The following TOR1AIP1 variants were observed in gnomAD, a reference collection of about 807,000 sequenced individuals.
TOR1AIP1 encodes the protein torsin-1A-interacting protein 1.
TOR1AIP1 carries 54 observed loss-of-function variants against 63.3 expected under a neutral mutation model. That is an observed-to-expected ratio of 0.85 (90% CI 0.69 to 1.07). The LOEUF is 1.07. Among genes scored for constraint, TOR1AIP1 ranks in the 50% least tolerant of loss-of-function variants. The pLI, the probability that TOR1AIP1 is intolerant of heterozygous loss-of-function variation, is 0.00. For synonymous variants in TOR1AIP1, 294 were observed against 273.5 expected (o/e 1.07, Z -0.74); for missense variants, 736 against 715.0 (o/e 1.03, Z -0.33).
At chr1:179,903,711 G>A (rs112981189) in intron 5 of TOR1AIP1, among the ~76,000 whole-genome samples, 25 of 152,168 alleles carry the variant, frequency 1.6e-4, no homozygotes, top group African/African-American at 2.7e-4. Flanking sequence ...GTTTCACCAC[G>A]TTGGCCAGGA....
intron 9 of TOR1AIP1, among the ~76,000 whole-genome samples, chr1:179,914,950 C>T (rs1345278800): frequency 6.6e-6 from 1 of 152,090 alleles, no homozygotes; most frequent in Non-Finnish European, 1.5e-5. Flanking sequence ...AAAGTTGAAA[C>T]ATTTTTTAAA....
intron 6 of TOR1AIP1, 122 bp from the exon 7 acceptor site, chr1:179,907,701 G>C: frequency 2.2e-6 from 1 of 447,508 alleles, no homozygotes; most frequent in Non-Finnish European, 3.9e-6. Context: ...ATTGATGAGA[G>C]AATGTTTTTT....
Position 179,910,223 on chromosome 1 carries a change from C to T in TOR1AIP1, c.907+1550C>T, listed in dbSNP as rs1017228055. On this transcript the variant is annotated intron_variant, in intron 8 of 9. Coordinates refer to ENST00000606911, the MANE Select transcript of TOR1AIP1 (RefSeq NM_015602.4). The stretch of plus-strand genomic sequence containing the variant: ...TATTTTTTTAAAGTCCATGCATATT[C>T]TCTGCCTTAAGTGACCTTTAACCTC... 3.9e-5 allele frequency among the ~76,000 whole-genome samples: 6 copies of T among 152,310 alleles called. No individual in the cohort carries two copies. The South Asian group carries it at 1.2e-3, about 32-fold the overall frequency.
At chr1:179,912,615 T>C (rs1207882254) in intron 8 of TOR1AIP1, among the ~76,000 whole-genome samples, 3 of 152,204 alleles carry the variant, frequency 2.0e-5, no homozygotes, top group African/African-American at 7.2e-5. Flanking sequence ...CATTATCTGA[T>C]GGATTTGGGT....
At chr1:179,904,262 T>C (rs1315307315) in intron 6 of TOR1AIP1, among the ~76,000 whole-genome samples, 2 of 152,218 alleles carry the variant, frequency 1.3e-5, no homozygotes, top group African/African-American at 4.8e-5. Flanking sequence ...TCCTGTGATT[T>C]GTTGAATGTC....
intron 9 of TOR1AIP1, among the ~76,000 whole-genome samples, chr1:179,916,543 A>T (rs902485716): frequency 1.3e-5 from 2 of 152,156 alleles, no homozygotes; most frequent in Admixed American, 6.5e-5. Context: ...ATATAAATTA[A>T]TCCTATTATT....
chr1:179,889,743 C>A (rs973122647), intron 3 of TOR1AIP1, among the ~76,000 whole-genome samples: 1 of 151,666 alleles, frequency 6.6e-6, no homozygotes, highest in Non-Finnish European at 1.5e-5. Flanking sequence ...CAGTCTCAAT[C>A]TCTCTGGCTC....
chr1:179,917,918 G>T lies in TOR1AIP1; in HGVS notation c.1431G>T (p.Val477=). The part of the protein sequence containing the change: ...NGFKNGQNAA[V]VHRFESFPAG... ...TTAAGAATGGCCAGAATGCAGCTGT[G>T]GTACACCGCTTTGAGTCATTTCCCG... is the stretch of plus-strand genomic sequence containing the variant. Residue 477 remains valine, a synonymous_variant, in exon 10 of 10, where the codon GTG becomes GTT. Transcript: ENST00000606911. The T allele has an allele frequency of 6.2e-7, 1 of 1,614,160 alleles. No individual in the cohort carries two copies. The highest frequency in any genetic ancestry group is 8.5e-7 in the Non-Finnish European group (1 of 1,180,044).
At chr1:179,909,381 GTTTTTT>G in intron 8 of TOR1AIP1, among the ~76,000 whole-genome samples, 2 of 106,042 alleles carry the variant, frequency 1.9e-5, no homozygotes, top group South Asian at 7.9e-4. Context: ...TTTTTTTTCT[GTTTTTT>G]GTTTTGTTTT....
intron 4 of TOR1AIP1, 56 bp downstream of exon 4, chr1:179,900,223 A>G: frequency 8.1e-7 from 1 of 1,241,210 alleles, no homozygotes; most frequent in Non-Finnish European, 1.2e-6. Context: ...TCTTTACATT[A>G]GAAGCCATTC....
chr1:179,894,216 A>G (rs1205852050), intron 3 of TOR1AIP1, among the ~76,000 whole-genome samples: 1 of 149,246 alleles, frequency 6.7e-6, no homozygotes, highest in African/African-American at 2.5e-5. Context: ...CCGCCACCGC[A>G]CTCCAGCCTG....
At chr1:179,889,238 GGAT>G (rs1366031686) in intron 2 of TOR1AIP1, 72 bp from the exon 3 acceptor site, 1 of 1,180,560 alleles carries the variant, frequency 8.5e-7, no homozygotes. Context: ...AATAAATAAG[GGAT>G]GATCATGTAA....
intron 7 of TOR1AIP1, 50 bp downstream of exon 7, chr1:179,907,914 T>TC (rs386368865): frequency 3.1e-5 from 15 of 479,148 alleles, no homozygotes; most frequent in Middle Eastern, 1.1e-3. Flanking sequence ...TTCTTTTCTC[T>TC]TTTTTTTTTT....
chr1:179,901,009 C>T (rs968881306), intron 4 of TOR1AIP1, among the ~76,000 whole-genome samples: 6 of 152,092 alleles, frequency 3.9e-5, no homozygotes, highest in African/African-American at 7.2e-5. Context: ...CACTGTTTAA[C>T]GCTCATCTGT....
chr1:179,907,080 C>T (rs1648660812), intron 6 of TOR1AIP1, among the ~76,000 whole-genome samples: 1 of 151,368 alleles, frequency 6.6e-6, no homozygotes. Flanking sequence ...TAGCATCTAC[C>T]ACATAAGAAT....
At chr1:179,895,291 T>G (rs956721169) in intron 3 of TOR1AIP1, among the ~76,000 whole-genome samples, 1 of 152,206 alleles carries the variant, frequency 6.6e-6, no homozygotes, top group African/African-American at 2.4e-5. Context: ...GTATGAACAT[T>G]GGGAAGAGTA....
In TOR1AIP1 at chr1:179,886,342, T is replaced by C. The variant is rs539262070; in HGVS notation, c.553+1573T>C. Among the ~76,000 whole-genome samples, 11 of 152,336 alleles carry C rather than the reference T, an allele frequency of 7.2e-5. No individual in the cohort carries two copies. In the East Asian group the frequency reaches 2.1e-3, roughly 29 times the overall value. On this transcript the variant is annotated intron_variant, in intron 2 of 9. Coordinates refer to ENST00000606911, the MANE Select transcript of TOR1AIP1 (RefSeq NM_015602.4). ...AATAGAATGTCTTGAATAGTCTTTT[T>C]GGAGTTTATATTAGGCTCATATTTA... is the stretch of plus-strand genomic sequence containing the variant.
At chr1:179,908,466 A>G in intron 7 of TOR1AIP1, 139 bp from the exon 8 acceptor site, 1 of 669,602 alleles carries the variant, frequency 1.5e-6, no homozygotes, top group East Asian at 2.9e-5. Context: ...ATTATCTTTT[A>G]CTTATAAAAC....
At chr1:179,896,275 T>G (rs1306759084) in intron 3 of TOR1AIP1, among the ~76,000 whole-genome samples, 1 of 152,036 alleles carries the variant, frequency 6.6e-6, no homozygotes, top group Admixed American at 6.5e-5. Flanking sequence ...GGAACAAACT[T>G]TTTTTATTTT....
Sources: allele counts gnomAD v4.1 joint callset (sites outside exome capture counted in the v4.1 genomes callset), GRCh38; gene constraint gnomAD v4.1.1; transcripts MANE v1.5; gene names NCBI Gene and HGNC (gene_info 2026-07-23, HGNC 2026-07-21).